The following EXOC4 variants were observed in gnomAD, a reference collection of about 807,000 sequenced individuals.
EXOC4 encodes SEC8-like 1.
Under a neutral mutation model 107.2 loss-of-function variants are expected in EXOC4, and 71 were observed. That is an observed-to-expected ratio of 0.66 (90% CI 0.55 to 0.81). The LOEUF (loss-of-function observed/expected upper bound fraction) is 0.81. Among genes scored for constraint, EXOC4 ranks in the 30% least tolerant of loss-of-function variants. The pLI, the probability that EXOC4 is intolerant of heterozygous loss-of-function variation, is 0.00. For synonymous variants in EXOC4, 456 were observed against 441.2 expected (o/e 1.03, Z -0.42); for missense variants, 1,108 against 1,189.6 (o/e 0.93, Z 1.01).
chr7:134,017,603 A>T (rs571035753), intron 17 of EXOC4, among the ~76,000 whole-genome samples: 1 of 151,984 alleles, frequency 6.6e-6, no homozygotes, highest in East Asian at 1.9e-4. Flanking sequence ...CTTTTTTTAC[A>T]TTTACATTAG....
rs1463994628 is a variant in EXOC4, at chr7:133,855,021, C to CTA, written c.1734+37487_1734+37488dup. Reference sequence around the variant, plus strand: ...TATAATGGCTTCTCTATTCCTAAGGCTATATATATATCTAAATATATATAT... The same window carrying CTA: ...TATAATGGCTTCTCTATTCCTAAGGCTATATATATATATCTAAATATATATAT... On this transcript the variant is annotated intron_variant, in intron 11 of 17. Transcript: ENST00000253861. Among the ~76,000 whole-genome samples the CTA allele has an allele frequency of 1.3e-4, 14 of 104,150 alleles. 1 individual carries two copies. The highest frequency in any genetic ancestry group is 1.8e-4 in the Non-Finnish European group (9 of 50,432). 68.3% of individuals were successfully genotyped at this position (104,150 alleles called of 152,430 possible).
At chr7:133,625,015 G>T (rs73150845) in intron 9 of EXOC4, among the ~76,000 whole-genome samples, 1 of 152,148 alleles carries the variant, frequency 6.6e-6, no homozygotes, top group Non-Finnish European at 1.5e-5. Flanking sequence ...GTCCTGCTAA[G>T]TGTTCCCAGC....
In EXOC4 at chr7:133,817,638, T is replaced by G; in HGVS notation, c.1734+94T>G. On this transcript the variant is annotated intron_variant, in intron 11 of 17. Transcript: ENST00000253861. ...TAAAAAAGAAGAATTACCATCTGTT[T>G]CCATATTCATCAGGGACAAAACAAA... is the stretch of plus-strand genomic sequence containing the variant. The G allele has an allele frequency of 3.5e-6, 3 of 865,506 alleles. No individual in the cohort carries two copies. The South Asian group carries it at 5.1e-5, about 15-fold the overall frequency. 53.6% of individuals were successfully genotyped at this position (865,506 alleles called of 1,614,324 possible).
At chr7:134,032,499 A>G (rs1017321619) in intron 17 of EXOC4, among the ~76,000 whole-genome samples, 1 of 152,192 alleles carries the variant, frequency 6.6e-6, no homozygotes, top group African/African-American at 2.4e-5. Context: ...GCTCAGAGCC[A>G]TCTGACACCT....
intron 10 of EXOC4, among the ~76,000 whole-genome samples, chr7:133,734,258 A>T (rs556710354): frequency 2.7e-4 from 41 of 152,324 alleles, no homozygotes; most frequent in Admixed American, 2.5e-3. Flanking sequence ...ATTGATGAGA[A>T]CATCCCAAGT....
chr7:134,089,806 T>G, the EXOC4 span, among the ~76,000 whole-genome samples: 1 of 152,178 alleles, frequency 6.6e-6, no homozygotes, highest in African/African-American at 2.4e-5. Context: ...GTCTCTTTTC[T>G]TTATAAACTT....
intron 1 of EXOC4, among the ~76,000 whole-genome samples, chr7:133,260,582 T>G (rs754368064): frequency 6.6e-6 from 1 of 152,172 alleles, no homozygotes; most frequent in Admixed American, 6.6e-5. Context: ...CCCCTTTAAC[T>G]TTATTCTACT....
At chr7:133,787,109 TA>T (rs1202175801) in intron 10 of EXOC4, among the ~76,000 whole-genome samples, 1 of 152,136 alleles carries the variant, frequency 6.6e-6, no homozygotes, top group Non-Finnish European at 1.5e-5. Flanking sequence ...AAGCAATATT[TA>T]TTGAGCATTT....
At chr7:133,498,831 C>T (rs896199054) in intron 9 of EXOC4, among the ~76,000 whole-genome samples, 2 of 152,126 alleles carry the variant, frequency 1.3e-5, no homozygotes, top group South Asian at 2.1e-4. Flanking sequence ...GCTTCTTGGC[C>T]TCTTTTGAAA....
intron 11 of EXOC4, among the ~76,000 whole-genome samples, chr7:133,884,623 G>A (rs879296031): frequency 1.6e-4 from 24 of 151,302 alleles, no homozygotes; most frequent in Non-Finnish European, 2.8e-4. Flanking sequence ...GTGTGTGTGC[G>A]CGCGTGTGTG....
chr7:133,715,111 A>G (rs1794973309), intron 10 of EXOC4, among the ~76,000 whole-genome samples: 1 of 152,200 alleles, frequency 6.6e-6, no homozygotes, highest in Non-Finnish European at 1.5e-5. Context: ...TAGACAGCAG[A>G]GAATGGAAAC....
chr7:133,353,672 A>G (rs1795961108), intron 5 of EXOC4, among the ~76,000 whole-genome samples: 1 of 151,992 alleles, frequency 6.6e-6, no homozygotes, highest in Admixed American at 6.6e-5. Flanking sequence ...GTTTATATTC[A>G]TGTATTTCAT....
At chr7:133,781,905 G>C (rs1026939782) in intron 10 of EXOC4, among the ~76,000 whole-genome samples, 22 of 45,034 alleles carry the variant, frequency 4.9e-4, no homozygotes, top group Non-Finnish European at 8.7e-4. Context: ...CGCATAATCA[G>C]TGATAACACA....
chr7:133,587,563 G>A (rs1801435732), intron 9 of EXOC4, among the ~76,000 whole-genome samples: 1 of 152,216 alleles, frequency 6.6e-6, no homozygotes, highest in South Asian at 2.1e-4. Flanking sequence ...TATAAAAGGT[G>A]TTTGCATGTC....
chr7:133,786,852 G>GTAT (rs140649516), intron 10 of EXOC4, among the ~76,000 whole-genome samples: 1,589 of 152,298 alleles, frequency 0.01, 35 homozygotes, highest in African/African-American at 0.036. Context: ...AAGTCAGAAT[G>GTAT]TATTAGTCCA....
chr7:134,070,792 A>T (rs6957371), downstream of EXOC4, among the ~76,000 whole-genome samples: 4,974 of 150,532 alleles, frequency 0.033, 209 homozygotes, highest in African/African-American at 0.096. Context: ...AAAAAAAATA[A>T]AAGGAACTTA....
At chr7:133,800,689 C>T (rs1231174499) in intron 10 of EXOC4, among the ~76,000 whole-genome samples, 3 of 152,142 alleles carry the variant, frequency 2.0e-5, no homozygotes, top group African/African-American at 7.2e-5. Context: ...AAACATTTCA[C>T]AAAGATCCCC....
intron 10 of EXOC4, among the ~76,000 whole-genome samples, chr7:133,675,523 A>G (rs1009537714): frequency 1.3e-5 from 2 of 152,208 alleles, no homozygotes. Flanking sequence ...CAGGCAGTGT[A>G]TTATAGAAAC....
chr7:133,254,516 C>T lies in EXOC4; in HGVS notation c.86+1329C>T, dbSNP rs186600814. On this transcript the variant is annotated intron_variant, in intron 1 of 17. Coordinates refer to ENST00000253861, the MANE Select transcript of EXOC4 (RefSeq NM_021807.4). ...TAGAATACCAGGACATTATTTGGAT[C>T]CTTTTTTGAACTTGTTTGTTTTTTC... Among the ~76,000 whole-genome samples, 30 of 152,276 alleles carry T rather than the reference C, an allele frequency of 2.0e-4. No individual in the cohort carries two copies. In the East Asian group the frequency reaches 4.8e-3, roughly 24 times the overall value.
Sources: allele counts gnomAD v4.1 joint callset (sites outside exome capture counted in the v4.1 genomes callset), GRCh38; gene constraint gnomAD v4.1.1; transcripts MANE v1.5; gene names NCBI Gene and HGNC (gene_info 2026-07-23, HGNC 2026-07-21).